CRTAM: variants seen among roughly 807,000 people sequenced by gnomAD.
CRTAM encodes cytotoxic and regulatory T-cell molecule.
In CRTAM, 44 loss-of-function variants were observed where a neutral mutation model predicts 50.0. That is an observed-to-expected ratio of 0.88 (90% confidence interval 0.69 to 1.13). The LOEUF is 1.13. Ranked by LOEUF, CRTAM falls within the 50% of genes most tolerant of loss-of-function variation. CRTAM has a pLI of 0.00. For synonymous variants in CRTAM, 159 were observed against 169.3 expected, an observed-to-expected ratio of 0.94 and a Z score of 0.47; for missense variants, 448 against 457.5, an observed-to-expected ratio of 0.98 and a Z score of 0.19.
At chr11:122,862,753 A>G (rs1862104002) in intron 6 of CRTAM, among the ~76,000 whole-genome samples, 1 of 152,234 alleles carries the variant, frequency 6.6e-6, no homozygotes, top group Non-Finnish European at 1.5e-5. Context: ...TCAGGCTGAC[A>G]TAAAGCTTTG....
At chr11:122,847,610 G>T (rs1245424407) in intron 1 of CRTAM, among the ~76,000 whole-genome samples, 1 of 152,180 alleles carries the variant, frequency 6.6e-6, no homozygotes, top group Non-Finnish European at 1.5e-5. Context: ...GAAACCCTGG[G>T]CTTAATAGAA....
intron 6 of CRTAM, among the ~76,000 whole-genome samples, chr11:122,863,201 A>G (rs957669077): frequency 6.6e-6 from 1 of 151,748 alleles, no homozygotes; most frequent in Non-Finnish European, 1.5e-5. Flanking sequence ...AGTATCCAGC[A>G]ATAGCAGCTT....
intron 3 of CRTAM, among the ~76,000 whole-genome samples, chr11:122,852,195 T>C (rs1485261874): frequency 6.6e-6 from 1 of 152,112 alleles, no homozygotes; most frequent in Non-Finnish European, 1.5e-5. Context: ...CATAAGGAGT[T>C]TGCGCACCAG....
At chr11:122,859,429 AT>A (rs553909807) in intron 5 of CRTAM, among the ~76,000 whole-genome samples, 269 of 7,018 alleles carry the variant, frequency 0.038, 1 homozygote, top group African/African-American at 0.22. Context: ...ACATATTTTA[AT>A]GAAAAAAAAA....
intron 8 of CRTAM, 102 bp downstream of exon 8, chr11:122,867,657 A>T: frequency 8.5e-7 from 1 of 1,178,940 alleles, no homozygotes; most frequent in Non-Finnish European, 1.2e-6. Flanking sequence ...GACACTACAT[A>T]ATCTATTTGA....
intron 1 of CRTAM, among the ~76,000 whole-genome samples, chr11:122,845,713 A>G (rs1212866449): frequency 1.3e-5 from 2 of 152,206 alleles, no homozygotes; most frequent in Non-Finnish European, 2.9e-5. Flanking sequence ...TCTCAAAAAA[A>G]TAAATAAATA....
At chr11:122,871,222 A>G (rs756649121) in intron 9 of CRTAM, 47 bp from the exon 10 acceptor site, 1 of 1,552,662 alleles carries the variant, frequency 6.4e-7, no homozygotes, top group Admixed American at 1.8e-5. Context: ...AAATGGGTGC[A>G]ATGTTATTCA....
chr11:122,868,967 C>A (rs150922222), intron 9 of CRTAM, among the ~76,000 whole-genome samples: 2,113 of 152,072 alleles, frequency 0.014, 26 homozygotes, highest in Non-Finnish European at 0.023. Flanking sequence ...CGAGATCGTG[C>A]CACTGCACTC....
chr11:122,865,210 T>C (rs2135253023), intron 7 of CRTAM, among the ~76,000 whole-genome samples: 1 of 152,068 alleles, frequency 6.6e-6, no homozygotes, highest in Admixed American at 6.6e-5. Context: ...TAATTTTGTA[T>C]TTTTAGTAGA....
chr11:122,856,657 A>G (rs1312598784), intron 5 of CRTAM, among the ~76,000 whole-genome samples: 1 of 152,224 alleles, frequency 6.6e-6, no homozygotes, highest in Non-Finnish European at 1.5e-5. Context: ...TTATTGAAAA[A>G]GCTCTTTTAT....
At chr11:122,853,355 C>T (rs1861959633) in intron 3 of CRTAM, among the ~76,000 whole-genome samples, 1 of 150,726 alleles carries the variant, frequency 6.6e-6, no homozygotes, top group Non-Finnish European at 1.5e-5. Flanking sequence ...CAGGCGTGAG[C>T]CACCTCGCCC....
chr11:122,863,325 GAAAGAA>G (rs1565292711), intron 6 of CRTAM, among the ~76,000 whole-genome samples: 1,535 of 61,924 alleles, frequency 0.025, 29 homozygotes, highest in African/African-American at 0.079. Flanking sequence ...GAAAGAAAAA[GAAAGAA>G]AGAAAGAAAG....
chr11:122,867,968 G>A, intron 8 of CRTAM, 45 bp from the exon 9 acceptor site: 1 of 1,142,170 alleles, frequency 8.8e-7, no homozygotes, highest in Non-Finnish European at 1.3e-6. Context: ...ATTTCTACAT[G>A]TCCATGGCAT....
Position 122,867,449 on chromosome 11 carries a change from T to C in CRTAM, c.858T>C (p.Ser286=). The C allele has an allele frequency of 6.2e-7, 1 of 1,614,036 alleles. No homozygotes were observed. Among genetic ancestry groups the C allele is most frequent in the Non-Finnish European group, 8.5e-7 (1 of 1,179,980 alleles). ...ATTTAGGACTGGCAAGAAAGAAAAG[T>C]GGCATCCTGCTGCTCACGCTGGTGT... ...PQYLGLARKK[S]GILLLTLVSF... Residue 286 remains serine, a synonymous_variant, in exon 8 of 10, where the codon AGT becomes AGC. Coordinates refer to ENST00000227348, the MANE Select transcript of CRTAM (RefSeq NM_019604.4).
chr11:122,851,836 A>G lies in CRTAM; in HGVS notation c.337A>G (p.Ile113Val). The G allele has an allele frequency of 1.2e-6, 2 of 1,614,146 alleles. No homozygotes were observed. Among genetic ancestry groups the G allele is most frequent in the Non-Finnish European group, 1.7e-6 (2 of 1,180,006 alleles). ...TGTAAGCACAAAGGAAGTGAAAGTG[A>G]TTGTGCTGGGTAGGTACCTGCAAGT... ...DSVSTKEVKV[I>V]VLATPFKPIL... The change falls in exon 3 of 10, where the codon ATT (isoleucine) becomes GTT (valine). Residue 113 changes from isoleucine (I) to valine (V), a missense_variant. Physicochemically the swap from Ile to Val is conservative, Grantham distance 29 (BLOSUM62 3). Coordinates refer to ENST00000227348, the MANE Select transcript of CRTAM (RefSeq NM_019604.4).
chr11:122,864,950 T>C (rs1862149231), intron 7 of CRTAM, among the ~76,000 whole-genome samples: 1 of 152,174 alleles, frequency 6.6e-6, no homozygotes, highest in Non-Finnish European at 1.5e-5. Context: ...ATCCATTAAT[T>C]AACTTATCTT....
chr11:122,871,029 T>G (rs1862245640), intron 9 of CRTAM, among the ~76,000 whole-genome samples: 1 of 152,018 alleles, frequency 6.6e-6, no homozygotes, highest in Admixed American at 6.6e-5. Context: ...CAGTGGGCCG[T>G]GATCACACCA....
Position 122,850,205 on chromosome 11 carries a change from G to A in CRTAM, c.184G>A (p.Glu62Lys), listed in dbSNP as rs1355356650. 2 of 1,605,416 alleles carry A rather than the reference G, an allele frequency of 1.2e-6. No individual in the cohort carries two copies. Among genetic ancestry groups the A allele is most frequent in the Non-Finnish European group, 1.7e-6 (2 of 1,174,648 alleles). The change falls in exon 2 of 10, where the codon GAG (glutamate) becomes AAG (lysine). Residue 62 changes from glutamate to lysine, a missense_variant. Transcript: ENST00000227348. ...CTCAGGGTTCACCATTTTTTTAAAT[G>A]AGTATCCTGGTAAGTGAAAGAAAGA... is the stretch of plus-strand genomic sequence containing the variant. ...TPSGFTIFLN[E>K]YPALKNSKYQ...
intron 4 of CRTAM, among the ~76,000 whole-genome samples, chr11:122,854,402 A>G (rs1376636598): frequency 6.6e-6 from 1 of 152,176 alleles, no homozygotes; most frequent in Non-Finnish European, 1.5e-5. Context: ...GCGAGGCACA[A>G]TGGCTCATGC....
Sources: gnomAD v4.1 joint callset for allele counts (sites outside exome capture counted in the v4.1 genomes callset) on GRCh38, gnomAD v4.1.1 for gene constraint, MANE v1.5 for transcripts, NCBI Gene and HGNC (gene_info 2026-07-23, HGNC 2026-07-21) for gene names.